The following CEP112 variants were observed in gnomAD, a reference collection of about 807,000 sequenced individuals.
CEP112 encodes centrosomal protein of 112 kDa.
A neutral mutation model predicts 153.0 loss-of-function variants in CEP112; 127 were observed. That is an observed-to-expected ratio of 0.83 (90% CI 0.72 to 0.96). CEP112 has a LOEUF of 0.96. Ranked by LOEUF, CEP112 falls within the 40% of genes least tolerant of loss-of-function variation. The pLI is 0.00. For synonymous variants in CEP112, 358 were observed against 374.4 expected (o/e 0.96, Z 0.51); for missense variants, 1,089 against 1,101.2 (o/e 0.99, Z 0.16).
chr17:65,654,293 T>C (rs1029397901), intron 24 of CEP112, among the ~76,000 whole-genome samples: 6 of 152,178 alleles, frequency 3.9e-5, no homozygotes, highest in African/African-American at 1.4e-4. Context: ...AGTGAAAATG[T>C]AGAAATAACT....
chr17:65,970,328 C>A lies in CEP112; in HGVS notation c.1737-8730G>T, dbSNP rs545715720. ...TGTATCTCATATGTAAAACATATTG[C>A]ATGCATATTACATGCATGTGCACTA... On this transcript the variant is annotated intron_variant, in intron 17 of 26. Coordinates refer to ENST00000535342, the MANE Select transcript of CEP112 (RefSeq NM_001199165.4). Among the ~76,000 whole-genome samples, 282 of 143,740 alleles carry A rather than the reference C, an allele frequency of 2.0e-3. 2 individuals are homozygous for A. The highest frequency in any genetic ancestry group is 4.6e-3 in the Admixed American group (67 of 14,578). 94.3% of individuals were successfully genotyped at this position (143,740 alleles called of 152,430 possible). A position where few individuals can be genotyped will look rare whatever the true frequency, so the allele number is the denominator to read the frequency against.
intron 18 of CEP112, among the ~76,000 whole-genome samples, chr17:65,937,569 G>T (rs1380758110): frequency 3.8e-5 from 4 of 104,424 alleles, no homozygotes; most frequent in East Asian, 6.3e-4. Context: ...AGGGAGGTGG[G>T]GGGGGTCAGC....
intron 8 of CEP112, among the ~76,000 whole-genome samples, chr17:66,090,297 T>C (rs1252188630): frequency 1.3e-5 from 2 of 152,008 alleles, no homozygotes; most frequent in Non-Finnish European, 2.9e-5. Context: ...AGTCTAATAA[T>C]ATAATGTTGT....
chr17:66,142,699 A>G (rs774827687), intron 4 of CEP112, among the ~76,000 whole-genome samples: 7 of 152,024 alleles, frequency 4.6e-5, no homozygotes, highest in South Asian at 2.1e-4. Flanking sequence ...ATTTTGTTCC[A>G]TTGGTCTATA....
At chr17:65,737,926 C>G (rs1255763901) in intron 23 of CEP112, among the ~76,000 whole-genome samples, 3 of 152,190 alleles carry the variant, frequency 2.0e-5, no homozygotes, top group Non-Finnish European at 2.9e-5. Context: ...GGTCTGCAGA[C>G]AGAAAAGTCT....
In CEP112 at chr17:65,961,474, T is replaced by C. The variant is rs970720421; in HGVS notation, c.1861A>G (p.Met621Val). The C allele has an allele frequency of 2.5e-6, 4 of 1,606,996 alleles. No individual in the cohort carries two copies. The Admixed American group carries it at 6.7e-5, about 27-fold the overall frequency. Reference sequence around the variant, plus strand: ...GGCAGCCTCCTTACCTGCTCTTTCATTTCAGCATAGACTTTCTCTGAGTTC... The same window carrying C: ...GGCAGCCTCCTTACCTGCTCTTTCACTTCAGCATAGACTTTCTCTGAGTTC... ...ELNSEKVYAE[M>V]KEQMEKVEAD... is the part of the protein sequence containing the mutation. Residue 621 changes from methionine (M) to valine (V), a missense_variant, in exon 18 of 27, where the codon ATG (methionine) becomes GTG (valine). Physicochemically the swap from Met to Val is conservative, Grantham distance 21. Coordinates refer to ENST00000535342, the MANE Select transcript of CEP112 (RefSeq NM_001199165.4).
intron 21 of CEP112, among the ~76,000 whole-genome samples, chr17:65,842,475 T>C (rs1471938193): frequency 1.3e-5 from 2 of 152,002 alleles, no homozygotes; most frequent in East Asian, 1.9e-4. Flanking sequence ...TTCGGGAAAC[T>C]GTGAAAGCCA....
At chr17:65,866,767 TCTG>T (rs1220297183) in intron 20 of CEP112, among the ~76,000 whole-genome samples, 4 of 152,038 alleles carry the variant, frequency 2.6e-5, no homozygotes, top group Non-Finnish European at 4.4e-5. Flanking sequence ...AGCTACCCTC[TCTG>T]CTAAGAGCTG....
chr17:65,663,112 G>C (rs2143881370), intron 24 of CEP112, among the ~76,000 whole-genome samples: 1 of 152,196 alleles, frequency 6.6e-6, no homozygotes, highest in East Asian at 1.9e-4. Flanking sequence ...ATCCAGCTTT[G>C]AGAAAATTCT....
intron 6 of CEP112, among the ~76,000 whole-genome samples, chr17:66,099,032 G>A (rs927943922): frequency 2.0e-5 from 3 of 152,054 alleles, no homozygotes; most frequent in Admixed American, 6.6e-5. Flanking sequence ...TGCCAGAGAT[G>A]GGCACAAAAC....
At chr17:66,089,496 A>T (rs1013377557) in intron 8 of CEP112, among the ~76,000 whole-genome samples, 1 of 152,338 alleles carries the variant, frequency 6.6e-6, no homozygotes, top group African/African-American at 2.4e-5. Context: ...GAAATTTTTT[A>T]AAAAATCAAA....
At chr17:65,959,838 C>A (rs1423604787) in intron 18 of CEP112, among the ~76,000 whole-genome samples, 1 of 152,224 alleles carries the variant, frequency 6.6e-6, no homozygotes, top group Non-Finnish European at 1.5e-5. Flanking sequence ...CCCCTTGCTG[C>A]TCCATGCCTA....
intron 21 of CEP112, among the ~76,000 whole-genome samples, chr17:65,837,090 C>T (rs1377004146): frequency 2.6e-5 from 4 of 152,246 alleles, no homozygotes; most frequent in Non-Finnish European, 5.9e-5. Context: ...CAGACGGAGT[C>T]TCGCTCACTC....
intron 4 of CEP112, among the ~76,000 whole-genome samples, chr17:66,163,646 T>C (rs1388588621): frequency 6.6e-6 from 1 of 152,078 alleles, no homozygotes; most frequent in African/African-American, 2.4e-5. Flanking sequence ...ACTTTAAGAC[T>C]TCGTATTTCC....
chr17:66,118,334 G>T (rs146541838), intron 6 of CEP112, among the ~76,000 whole-genome samples: 228 of 152,160 alleles, frequency 1.5e-3, no homozygotes, highest in African/African-American at 5.0e-3. Flanking sequence ...AATGGATAAA[G>T]AAAACATGGT....
At chr17:65,850,534 C>T (rs2057892641) in intron 21 of CEP112, among the ~76,000 whole-genome samples, 1 of 152,196 alleles carries the variant, frequency 6.6e-6, no homozygotes, top group African/African-American at 2.4e-5. Flanking sequence ...TACCTTTCCT[C>T]TATATTTTTG....
chr17:65,639,822 TTC>T (rs1368137780), intron 25 of CEP112, among the ~76,000 whole-genome samples: 4 of 148,840 alleles, frequency 2.7e-5, no homozygotes, highest in East Asian at 2.0e-4. Context: ...TTTCTTTTTT[TTC>T]TCTCTTTCTT....
chr17:65,906,617 T>G (rs1293498558), intron 19 of CEP112, among the ~76,000 whole-genome samples: 1 of 152,108 alleles, frequency 6.6e-6, no homozygotes, highest in African/African-American at 2.4e-5. Flanking sequence ...AATTTAGGGG[T>G]TTTCCCCATA....
chr17:65,979,638 A>T (rs1461751854), intron 17 of CEP112, among the ~76,000 whole-genome samples: 1 of 152,184 alleles, frequency 6.6e-6, no homozygotes, highest in Non-Finnish European at 1.5e-5. Context: ...CTACCAGAAA[A>T]GAATGTAAAT....
Sources: allele counts gnomAD v4.1 joint callset (sites outside exome capture counted in the v4.1 genomes callset), GRCh38; gene constraint gnomAD v4.1.1; transcripts MANE v1.5; gene names NCBI Gene and HGNC (gene_info 2026-07-23, HGNC 2026-07-21).